The following RTN3 variants were observed in gnomAD, a reference collection of about 807,000 sequenced individuals.
RTN3 encodes the protein reticulon 3.
RTN3 carries 49 observed loss-of-function variants against 77.8 expected under a neutral mutation model. The ratio of observed to expected loss-of-function variants is 0.63; its 90% CI spans 0.50 to 0.80. The LOEUF is 0.80. RTN3 is among the 30% of genes least tolerant of loss of function. RTN3 has a pLI of 0.00. For synonymous variants in RTN3, 464 were observed against 446.9 expected (o/e 1.04, Z -0.48); for missense variants, 1,236 against 1,211.9 (o/e 1.02, Z -0.29).
chr11:63,758,517 T>G lies in RTN3; in HGVS notation c.*316T>G. ...GAAAGATTGGAGGTAAGAGAGAAAATGAAAGAACACCTCTGGGTCCTTCTG... is the reference window on the plus strand; with the variant it reads ...GAAAGATTGGAGGTAAGAGAGAAAAGGAAAGAACACCTCTGGGTCCTTCTG... On this transcript the variant is annotated 3_prime_UTR_variant, in exon 9 of 9. Transcript: ENST00000377819. The G allele has an allele frequency of 1.6e-6, 1 of 610,228 alleles. No homozygotes were observed. Among genetic ancestry groups the G allele is most frequent in the East Asian group, 2.8e-5 (1 of 35,324 alleles). The allele number at this position is 610,228 out of a possible 1,614,324, so 37.8% of individuals were successfully genotyped here.
chr11:63,709,081 G>A (rs1942626290), intron 2 of RTN3, among the ~76,000 whole-genome samples: 1 of 152,190 alleles, frequency 6.6e-6, no homozygotes, highest in East Asian at 1.9e-4. Flanking sequence ...CAGCAAGTAA[G>A]TGATAGAGGG....
intron 3 of RTN3, among the ~76,000 whole-genome samples, chr11:63,729,955 T>G (rs1165434292): frequency 6.6e-6 from 1 of 151,656 alleles, no homozygotes; most frequent in African/African-American, 2.4e-5. Flanking sequence ...CAACTAGTTT[T>G]TAAATTAATT....
chr11:63,703,267 T>C (rs1942335679), intron 1 of RTN3, among the ~76,000 whole-genome samples: 1 of 152,218 alleles, frequency 6.6e-6, no homozygotes, highest in Non-Finnish European at 1.5e-5. Flanking sequence ...ACACAGGACT[T>C]GAGCATCTTC....
At chr11:63,752,796 A>G in intron 5 of RTN3, 151 bp downstream of exon 5, 1 of 859,952 alleles carries the variant, frequency 1.2e-6, no homozygotes, top group Non-Finnish European at 1.8e-6. Context: ...GTCACTAGAG[A>G]AAGGTATAGC....
At chr11:63,750,243 G>T (rs371648668) in intron 4 of RTN3, 45 bp downstream of exon 4, 40 of 1,504,486 alleles carry the variant, frequency 2.7e-5, no homozygotes, top group Admixed American at 1.8e-4. Flanking sequence ...TTAGTGGAAG[G>T]GTTCACTGAA....
At chr11:63,743,047 A>T (rs1456435458) in intron 3 of RTN3, among the ~76,000 whole-genome samples, 1 of 151,994 alleles carries the variant, frequency 6.6e-6, no homozygotes, top group Non-Finnish European at 1.5e-5. Flanking sequence ...TGTCTGGCTA[A>T]TTTATTTTAT....
intron 3 of RTN3, 123 bp downstream of exon 3, chr11:63,721,155 CTGTATGA>C (rs1590838292): frequency 1.2e-6 from 1 of 803,274 alleles, no homozygotes. Flanking sequence ...AAACAATATG[CTGTATGA>C]TGGGAAAGGC....
chr11:63,685,177 G>T (rs1057081661), intron 1 of RTN3, among the ~76,000 whole-genome samples: 1 of 151,960 alleles, frequency 6.6e-6, no homozygotes, highest in Non-Finnish European at 1.5e-5. Context: ...GTCACTACTT[G>T]AACATAAAAG....
intron 3 of RTN3, among the ~76,000 whole-genome samples, chr11:63,746,217 C>CT (rs2013784951): frequency 6.6e-6 from 1 of 152,200 alleles, no homozygotes; most frequent in South Asian, 2.1e-4. Flanking sequence ...GCCTCATTCT[C>CT]TAAGTTTCCT....
At chr11:63,691,993 A>G (rs577668089) in intron 1 of RTN3, among the ~76,000 whole-genome samples, 2 of 152,226 alleles carry the variant, frequency 1.3e-5, no homozygotes, top group South Asian at 4.1e-4. Flanking sequence ...ATACCCTGTA[A>G]TATCTGGCCT....
intron 1 of RTN3, among the ~76,000 whole-genome samples, chr11:63,694,847 T>G (rs1222547388): frequency 6.6e-6 from 1 of 152,232 alleles, no homozygotes; most frequent in African/African-American, 2.4e-5. Context: ...TTGTTCTTCC[T>G]CTTAGATTGC....
At chr11:63,723,716 CCA>C in intron 3 of RTN3, among the ~76,000 whole-genome samples, 1 of 152,278 alleles carries the variant, frequency 6.6e-6, no homozygotes, top group East Asian at 1.9e-4. Context: ...GCCTGAGCCA[CCA>C]CACACAGCCG....
Position 63,734,734 on chromosome 11 carries a change from A to AACACACAC in RTN3, c.2530+13743_2530+13750dup, listed in dbSNP as rs754454322. On this transcript the variant is annotated intron_variant, in intron 3 of 8. Coordinates refer to ENST00000377819, the MANE Select transcript of RTN3 (RefSeq NM_001265589.2). ...GTGATAGAGGGAGACTCTGTCTCAA[A>AACACACAC]ACACACACACACACACACACACACA... Among the ~76,000 whole-genome samples the AACACACAC allele has an allele frequency of 9.2e-3, 748 of 81,304 alleles. 7 individuals carry two copies. The highest frequency in any genetic ancestry group is 0.019 in the African/African-American group (506 of 27,346). The allele number at this position is 81,304 out of a possible 152,430, so 53.3% of individuals were successfully genotyped here.
rs1479140940 is a variant in RTN3, at chr11:63,720,878, C to T, written c.2376C>T (p.Ile792=). The change falls in exon 3 of 9, where the codon ATC becomes ATT. Residue 792 remains isoleucine, a synonymous_variant. Coordinates refer to ENST00000377819, the MANE Select transcript of RTN3 (RefSeq NM_001265589.2). ...CTTGGCCACAGAGATCATATGACATCCTAGAACGTAATGTCAAGAATGGAT... is the reference window on the plus strand; with the variant it reads ...CTTGGCCACAGAGATCATATGACATTCTAGAACGTAATGTCAAGAATGGAT... ...PESWPQRSYD[I]LERNVKNGSD... is the part of the protein sequence containing the mutation. The T allele has an allele frequency of 6.2e-7, 1 of 1,614,036 alleles. No homozygotes were observed. The highest frequency in any genetic ancestry group is 1.7e-5 in the Admixed American group (1 of 60,008).
intron 3 of RTN3, among the ~76,000 whole-genome samples, chr11:63,737,374 C>A (rs537464216): frequency 8.5e-5 from 13 of 152,260 alleles, no homozygotes; most frequent in Admixed American, 6.5e-4. Flanking sequence ...CTTTGGGAGG[C>A]CAGGGTGGGT....
intron 3 of RTN3, among the ~76,000 whole-genome samples, chr11:63,740,587 G>A (rs540245635): frequency 2.0e-5 from 3 of 150,216 alleles, no homozygotes; most frequent in Admixed American, 6.7e-5. Flanking sequence ...ATGAGCCACC[G>A]CGCCTGGCCT....
chr11:63,682,457 G>C (rs893789297), intron 1 of RTN3, among the ~76,000 whole-genome samples: 1 of 152,082 alleles, frequency 6.6e-6, no homozygotes, highest in Non-Finnish European at 1.5e-5. Flanking sequence ...GCTGCTAATG[G>C]TCCAAGATGG....
At chr11:63,700,029 T>C (rs1279198072) in intron 1 of RTN3, among the ~76,000 whole-genome samples, 2 of 152,228 alleles carry the variant, frequency 1.3e-5, no homozygotes, top group Non-Finnish European at 2.9e-5. Context: ...TTACCAGTTA[T>C]CTGTGTTCTG....
chr11:63,704,103 A>G (rs980488653), intron 1 of RTN3, among the ~76,000 whole-genome samples: 1 of 151,556 alleles, frequency 6.6e-6, no homozygotes, highest in Non-Finnish European at 1.5e-5. Context: ...CCTGGGTTCA[A>G]GTGATTCTCC....
Sources: gnomAD v4.1 joint callset for allele counts (sites outside exome capture counted in the v4.1 genomes callset) on GRCh38, gnomAD v4.1.1 for gene constraint, MANE v1.5 for transcripts, NCBI Gene and HGNC (gene_info 2026-07-23, HGNC 2026-07-21) for gene names.